The following ADA2 variants were observed in gnomAD, a reference collection of about 807,000 sequenced individuals.
The protein encoded by ADA2 is adenosine deaminase 2.
In ADA2, 29 loss-of-function variants were observed where a neutral mutation model predicts 44.2. The observed-to-expected ratio is 0.66, with a 90% CI of 0.49 to 0.89. ADA2 has a LOEUF of 0.89. ADA2 is among the 40% of genes least tolerant of loss of function. ADA2 has a pLI of 0.00. For missense variants in ADA2, 637 were observed against 644.8 expected, an observed-to-expected ratio of 0.99 and a Z score of 0.13; for synonymous variants, 215 against 234.9, an observed-to-expected ratio of 0.92 and a Z score of 0.77.
chr22:17,199,828 T>A, intron 4 of ADA2: 1 of 1,261,590 alleles, frequency 7.9e-7, no homozygotes, highest in Non-Finnish European at 1.0e-6. Context: ...TCTGTAATCC[T>A]AGTACTTTGG....
chr22:17,194,656 T>G (rs2123666985), intron 4 of ADA2, among the ~76,000 whole-genome samples: 1 of 152,086 alleles, frequency 6.6e-6, no homozygotes, highest in South Asian at 2.1e-4. Flanking sequence ...CTCGGGCAGT[T>G]TCCCTGACTG....
At chr22:17,199,636 G>A in intron 4 of ADA2, 2 of 1,613,838 alleles carry the variant, frequency 1.2e-6, no homozygotes, top group South Asian at 2.2e-5. Flanking sequence ...GCCATTTGAG[G>A]TGGGCGTGGC....
At chr22:17,202,437 T>A (rs1173284549) in intron 4 of ADA2, among the ~76,000 whole-genome samples, 1 of 152,062 alleles carries the variant, frequency 6.6e-6, no homozygotes, top group Non-Finnish European at 1.5e-5. Context: ...CAGCTAATTT[T>A]TGTATTTTTA....
intron 2 of ADA2, among the ~76,000 whole-genome samples, chr22:17,207,880 G>C (rs1314782669): frequency 6.6e-6 from 1 of 152,102 alleles, no homozygotes; most frequent in Non-Finnish European, 1.5e-5. Context: ...CTGGGCCTGT[G>C]TCTGTACAGC....
At position 17,209,639 on chromosome 22, in the gene ADA2, G is replaced by GCACA. The variant is rs755591390; in HGVS notation, c.35_38dup (p.Phe14ValfsTer20). ...ACATTGCCACAGCCAACAGCAAGAA[G>GCACA]CACAGGGCTGGCCGCTCAGATGGGC... is the stretch of plus-strand genomic sequence containing the variant. On this transcript the variant is annotated frameshift_variant, in exon 2 of 10. Transcript: ENST00000399837. LOFTEE classifies it high-confidence loss of function. 1 of 1,613,906 alleles carries GCACA rather than the reference G, an allele frequency of 6.2e-7. No individual in the cohort carries two copies. Among genetic ancestry groups the GCACA allele is most frequent in the South Asian group, 1.1e-5 (1 of 91,070 alleles).
chr22:17,220,296 C>T (rs930357939), upstream of ADA2, among the ~76,000 whole-genome samples: 13 of 152,128 alleles, frequency 8.5e-5, no homozygotes, highest in Non-Finnish European at 1.2e-4. Context: ...AAGAACAACG[C>T]TCCAAGGGAC....
At position 17,191,700 on chromosome 22, in the gene ADA2, G is replaced by T. The variant is rs1165460424; in HGVS notation, c.864C>A (p.Ile288=). The change falls in exon 5 of 10, where the codon ATC becomes ATA. Residue 288 remains isoleucine (I), a synonymous_variant. Transcript: ENST00000399837. ...TCTCTCACCTGTGATCCGAATAAAT[G>T]ATTTTGATTCCAATAAACTCAGGGT... The part of the protein sequence containing the change: ...ETHPEFIGIK[I]IYSDHRSKDV... 3.1e-6 allele frequency: 5 copies of T among 1,613,304 alleles called. No homozygotes were observed. In the African/African-American group the frequency reaches 4.0e-5, roughly 13 times the overall value.
intron 4 of ADA2, among the ~76,000 whole-genome samples, chr22:17,199,038 T>TG (rs1415667375): frequency 6.6e-6 from 1 of 152,078 alleles, no homozygotes; most frequent in African/African-American, 2.4e-5. Context: ...CTCTGGCTAA[T>TG]GGGGGGCATT....
At position 17,182,708 on chromosome 22, in the gene ADA2, T is replaced by A. The variant is rs561591791; in HGVS notation, c.1135A>T (p.Thr379Ser). 1.2e-5 allele frequency: 20 copies of A among 1,613,952 alleles called. No homozygotes were observed. Among genetic ancestry groups the A allele is most frequent in the Non-Finnish European group, 1.5e-5 (18 of 1,180,032 alleles). Residue 379 changes from threonine (T) to serine (S), a missense_variant, in exon 8 of 10, where the codon ACT (threonine) becomes TCT (serine). By Grantham distance (58) the Thr-to-Ser change is moderately conservative (BLOSUM62 1). Transcript: ENST00000399837. ...GCAAATCCATGGCCGATTCTGGTAGTGTTCAGCATCAGAGCATCCAGAATG... is the reference window on the plus strand; with the variant it reads ...GCAAATCCATGGCCGATTCTGGTAGAGTTCAGCATCAGAGCATCCAGAATG... ...RNILDALMLN[T>S]TRIGHGFALS...
chr22:17,201,967 C>CTTTT (rs71200247), intron 4 of ADA2, among the ~76,000 whole-genome samples: 22 of 103,084 alleles, frequency 2.1e-4, no homozygotes, highest in African/African-American at 5.0e-4. Flanking sequence ...TTTCTTTTTT[C>CTTTT]TTTTTTTTTT....
At chr22:17,187,539 C>T (rs2062049574) in intron 7 of ADA2, among the ~76,000 whole-genome samples, 1 of 152,054 alleles carries the variant, frequency 6.6e-6, no homozygotes, top group Non-Finnish European at 1.5e-5. Flanking sequence ...GATCCACCCA[C>T]ATCAGCCTCC....
intron 4 of ADA2, among the ~76,000 whole-genome samples, chr22:17,202,764 C>CCTTT (rs58707915): frequency 0.49 from 69,343 of 141,218 alleles, 17,081 homozygotes; most frequent in Middle Eastern, 0.64. Context: ...TTTCTCTTTT[C>CCTTT]CTTTCTTTCT....
chr22:17,188,868 A>AAAAAAAAATATATATATATATATATAT, intron 6 of ADA2: 7 of 81,180 alleles, frequency 8.6e-5, no homozygotes, highest in Non-Finnish European at 1.9e-4. Context: ...AAGAGCAAAA[A>AAAAAAAAATATATATATATATATATAT]ATATATATAT....
intron 7 of ADA2, among the ~76,000 whole-genome samples, chr22:17,184,295 G>A (rs951226665): frequency 2.1e-4 from 32 of 152,070 alleles, no homozygotes; most frequent in African/African-American, 7.2e-4. Flanking sequence ...TAGGGCCCTC[G>A]GTAGAGGATG....
chr22:17,199,795 T>C, intron 4 of ADA2: 1 of 1,406,128 alleles, frequency 7.1e-7, no homozygotes, highest in Admixed American at 2.8e-5. Flanking sequence ...ATAAGATGAA[T>C]TAATAGCTGG....
chr22:17,188,637 T>G (rs2062069601), intron 6 of ADA2, 190 bp from the exon 7 acceptor site: 2 of 424,306 alleles, frequency 4.7e-6, no homozygotes, highest in Admixed American at 4.1e-5. Context: ...CCCAGCACTT[T>G]GGGAGGCCGA....
intron 4 of ADA2, among the ~76,000 whole-genome samples, chr22:17,200,245 C>G (rs2062261545): frequency 6.6e-6 from 1 of 152,152 alleles, no homozygotes; most frequent in Non-Finnish European, 1.5e-5. Context: ...GCAGTTTCTT[C>G]CAGCCTACCT....
At chr22:17,207,746 C>A (rs1032418107) in intron 2 of ADA2, among the ~76,000 whole-genome samples, 5 of 152,216 alleles carry the variant, frequency 3.3e-5, no homozygotes, top group African/African-American at 1.2e-4. Flanking sequence ...AATGAGGCCA[C>A]CCAACACTGC....
At chr22:17,182,317 C>T (rs1435794182) in intron 8 of ADA2, among the ~76,000 whole-genome samples, 1 of 152,160 alleles carries the variant, frequency 6.6e-6, no homozygotes, top group Non-Finnish European at 1.5e-5. Context: ...GGAGCAGCAT[C>T]CCATGGTCCG....
Sources: gnomAD v4.1 joint callset for allele counts (sites outside exome capture counted in the v4.1 genomes callset) on GRCh38, gnomAD v4.1.1 for gene constraint, MANE v1.5 for transcripts, NCBI Gene and HGNC (gene_info 2026-07-23, HGNC 2026-07-21) for gene names.